The following NRP1 variants were observed in gnomAD, a reference collection of about 807,000 sequenced individuals.
NRP1 encodes the protein neuropilin 1.
In NRP1, 35 loss-of-function variants were observed where a neutral mutation model predicts 106.7. That is an observed-to-expected ratio of 0.33 (90% confidence interval 0.25 to 0.43). The LOEUF is 0.43. Ranked by LOEUF, NRP1 falls within the 20% of genes least tolerant of loss-of-function variation. NRP1 has a pLI of 1.00. For missense variants in NRP1, 1,024 were observed against 1,170.4 expected (o/e 0.87, Z 1.83); for synonymous variants, 437 against 417.9 (o/e 1.05, Z -0.56).
chr10:33,274,096 G>C (rs1843509904), intron 2 of NRP1, among the ~76,000 whole-genome samples: 2 of 151,946 alleles, frequency 1.3e-5, no homozygotes, highest in African/African-American at 4.9e-5. Flanking sequence ...CAGTGGTAAA[G>C]TGGGTAAACA....
At chr10:33,257,498 G>C (rs138107089) in intron 4 of NRP1, among the ~76,000 whole-genome samples, 1 of 152,172 alleles carries the variant, frequency 6.6e-6, no homozygotes, top group Non-Finnish European at 1.5e-5. Context: ...TTAGCCAGGC[G>C]TGGTGGGCAG....
Position 33,180,284 on chromosome 10 carries a change from T to A in NRP1, c.2564A>T (p.Asp855Val). ...RKPGNVLKTLDPILITIIAMS... is the reference protein window; with the variant it reads ...RKPGNVLKTLVPILITIIAMS... ...GGCTATGATGGTGATGAGGATGGGG[T>A]CTAAGGTCTTCAACACATTGCCTGG... Residue 855 changes from aspartate (D) to valine (V), a missense_variant, in exon 17 of 17, where the codon GAC (aspartate) becomes GTC (valine). By Grantham distance (152) the Asp-to-Val change is radical. This residue lies in a region of NRP1 where 164 missense variants were observed against 161.4 expected (regional missense o/e 1.02). Transcript: ENST00000374867. 6.2e-7 allele frequency: 1 copy of A among 1,613,744 alleles called. No individual in the cohort carries two copies. Among genetic ancestry groups the A allele is most frequent in the Non-Finnish European group, 8.5e-7 (1 of 1,179,852 alleles).
chr10:33,195,282 C>T (rs1836700430), intron 12 of NRP1: 2 of 337,604 alleles, frequency 5.9e-6, no homozygotes, highest in East Asian at 1.5e-4. Flanking sequence ...ATACTCCGAA[C>T]TGCTGCAGGA....
intron 5 of NRP1, 27 bp from the exon 6 acceptor site, chr10:33,254,221 C>A (rs1842053053): frequency 1.3e-6 from 2 of 1,577,648 alleles, no homozygotes; most frequent in African/African-American, 1.4e-5. Context: ...GGCCCACAGT[C>A]ATCAAAATAT....
chr10:33,314,344 A>T (rs773897428), intron 2 of NRP1, among the ~76,000 whole-genome samples: 10 of 152,164 alleles, frequency 6.6e-5, no homozygotes, highest in Non-Finnish European at 7.3e-5. Context: ...CTCCCAAAGT[A>T]TTGGGATTAC....
At position 33,221,750 on chromosome 10, in the gene NRP1, C is replaced by G; in HGVS notation, c.1251G>C (p.Met417Ile). 6.2e-7 allele frequency: 1 copy of G among 1,614,146 alleles called. No individual in the cohort carries two copies. Among genetic ancestry groups the G allele is most frequent in the Non-Finnish European group, 8.5e-7 (1 of 1,180,000 alleles). The change falls in exon 8 of 17, where the codon ATG becomes ATC. Residue 417 changes from methionine to isoleucine, a missense_variant. By Grantham distance (10) the Met-to-Ile change is conservative (BLOSUM62 1). Transcript: ENST00000374867. ...TCTTGCAACCGTATACTTCAAATCT[C>G]ATAGATATGCCAGTTTCCCAAGTTG... ...KPATWETGIS[M>I]RFEVYGCKIT...
intron 11 of NRP1, among the ~76,000 whole-genome samples, chr10:33,199,436 T>A (rs1277297165): frequency 8.1e-6 from 1 of 123,896 alleles, no homozygotes; most frequent in East Asian, 2.9e-4. Context: ...GAGACAGGGA[T>A]CTCACTGTCT....
chr10:33,235,089 C>G (rs964219307), intron 6 of NRP1, among the ~76,000 whole-genome samples: 1 of 152,228 alleles, frequency 6.6e-6, no homozygotes, highest in Admixed American at 6.5e-5. Flanking sequence ...TTCTCCCACT[C>G]TCATGTGAAT....
chr10:33,288,890 G>C (rs1027175876), intron 2 of NRP1, among the ~76,000 whole-genome samples: 2 of 152,066 alleles, frequency 1.3e-5, no homozygotes, highest in Admixed American at 6.5e-5. Flanking sequence ...TTTTAGGGGG[G>C]TCTTGTGTGC....
chr10:33,270,999 G>A (rs1481028514), intron 2 of NRP1, 143 bp from the exon 3 acceptor site: 10 of 601,066 alleles, frequency 1.7e-5, no homozygotes, highest in Admixed American at 3.6e-5. Context: ...ATTAAATGGA[G>A]GGAAAAAAAA....
chr10:33,322,097 T>A (rs1038896798), intron 2 of NRP1, among the ~76,000 whole-genome samples: 3 of 152,122 alleles, frequency 2.0e-5, no homozygotes, highest in Non-Finnish European at 4.4e-5. Context: ...ACTTCCCTGC[T>A]ATTTACCTGA....
At chr10:33,285,760 G>A (rs1241016691) in intron 2 of NRP1, among the ~76,000 whole-genome samples, 1 of 152,142 alleles carries the variant, frequency 6.6e-6, no homozygotes, top group East Asian at 1.9e-4. Flanking sequence ...TTGAACCCGG[G>A]AGGCTGAGGC....
intron 6 of NRP1, among the ~76,000 whole-genome samples, chr10:33,251,973 T>C (rs1476791656): frequency 6.6e-6 from 1 of 151,996 alleles, no homozygotes; most frequent in Non-Finnish European, 1.5e-5. Flanking sequence ...TGAAGACAGG[T>C]ACTCCTGCTT....
chr10:33,288,634 C>A (rs982646415), intron 2 of NRP1: 1 of 152,198 alleles, frequency 6.6e-6, no homozygotes, highest in Non-Finnish European at 1.5e-5. Flanking sequence ...AAGGCAAGAG[C>A]CTGATGTCGC....
At position 33,191,839 on chromosome 10, in the gene NRP1, G is replaced by A. The variant is rs539992547; in HGVS notation, c.2062+442C>T. Reference sequence around the variant, plus strand: ...TAAAAATACAAAAAATTAGCTGGGTGTGGTGGTGTATGCCTGTAATCCCAG... The same window carrying A: ...TAAAAATACAAAAAATTAGCTGGGTATGGTGGTGTATGCCTGTAATCCCAG... On this transcript the variant is annotated intron_variant, in intron 13 of 16. Transcript: ENST00000374867. 2.0e-5 allele frequency among the ~76,000 whole-genome samples: 3 copies of A among 152,140 alleles called. No homozygotes were observed. The South Asian group carries it at 6.2e-4, about 32-fold the overall frequency.
intron 2 of NRP1, among the ~76,000 whole-genome samples, chr10:33,319,777 G>A (rs1242202309): frequency 4.6e-5 from 7 of 150,870 alleles, no homozygotes; most frequent in Non-Finnish European, 7.4e-5. Context: ...TAGTGGAGAC[G>A]GGGTTTCACC....
In NRP1 at chr10:33,330,825, T is replaced by C. The variant is rs1270349204; in HGVS notation, c.131A>G (p.Tyr44Cys). The change falls in exon 2 of 17, where the codon TAT becomes TGT. Residue 44 changes from tyrosine (Y) to cysteine (C), a missense_variant. Coordinates refer to ENST00000374867, the MANE Select transcript of NRP1 (RefSeq NM_003873.7). ...TTCACTTGGGTGATAAGAATGAGGA[T>C]AACCAGGAGATGTAAGGTACCCGGG... ...ESPGYLTSPG[Y>C]PHSYHPSEKC... 1.2e-6 allele frequency: 2 copies of C among 1,613,394 alleles called. No homozygotes were observed. The highest frequency in any genetic ancestry group is 1.3e-5 in the African/African-American group (1 of 74,916).
chr10:33,319,149 C>A (rs191896495), intron 2 of NRP1, among the ~76,000 whole-genome samples: 1 of 151,268 alleles, frequency 6.6e-6, no homozygotes, highest in Non-Finnish European at 1.5e-5. Flanking sequence ...GGACTACAGG[C>A]GCCCGCCACC....
chr10:33,303,026 C>A (rs1328044873), intron 2 of NRP1, among the ~76,000 whole-genome samples: 6 of 152,152 alleles, frequency 3.9e-5, no homozygotes, highest in Non-Finnish European at 7.3e-5. Context: ...GCGAATCTTT[C>A]CCCCGTGATT....
Sources: gnomAD v4.1 joint callset for allele counts (sites outside exome capture counted in the v4.1 genomes callset) on GRCh38, gnomAD v4.1.1 for gene constraint, gnomAD v4.1.1 regional missense constraint, MANE v1.5 for transcripts, NCBI Gene and HGNC (gene_info 2026-07-23, HGNC 2026-07-21) for gene names.